The following TDP1 variants were observed in gnomAD, a reference collection of about 807,000 sequenced individuals.
TDP1 encodes the protein tyr-DNA phosphodiesterase 1.
In TDP1, 64 loss-of-function variants were observed where a neutral mutation model predicts 81.5. The ratio of observed to expected loss-of-function variants is 0.79; its 90% CI spans 0.64 to 0.97. The LOEUF (loss-of-function observed/expected upper bound fraction) is 0.97. TDP1 is among the 50% of genes least tolerant of loss of function. The pLI is 0.00. For synonymous variants in TDP1, 256 were observed against 264.3 expected, an observed-to-expected ratio of 0.97 and a Z score of 0.30; for missense variants, 723 against 743.8, an observed-to-expected ratio of 0.97 and a Z score of 0.33.
rs772567581 is a variant in TDP1, at chr14:89,975,732, T to C, written c.757-49T>C. 10 of 1,488,616 alleles carry C rather than the reference T, an allele frequency of 6.7e-6. No homozygotes were observed. In the Admixed American group the frequency reaches 1.3e-4, roughly 20 times the overall value. 92.2% of individuals were successfully genotyped at this position (1,488,616 alleles called of 1,614,324 possible). A position where few individuals can be genotyped will look rare whatever the true frequency, so the allele number is the denominator to read the frequency against. On this transcript the variant is annotated intron_variant, in intron 6 of 16. Transcript: ENST00000335725. ...TTTCTAATGTAATTTCCAGTAGATA[T>C]GGATATTAGTGAGTTGTTTTTAAAT... is the stretch of plus-strand genomic sequence containing the variant.
intron 10 of TDP1, chr14:89,986,962 A>G (rs1371766903): frequency 6.6e-6 from 1 of 152,236 alleles, no homozygotes; most frequent in East Asian, 1.9e-4. Context: ...CAGTTTCCAA[A>G]TGTTTTCTTA....
intron 8 of TDP1, among the ~76,000 whole-genome samples, chr14:89,982,055 C>G (rs1253982327): frequency 2.0e-5 from 3 of 152,126 alleles, no homozygotes; most frequent in Admixed American, 2.0e-4. Flanking sequence ...CAAATGTAAT[C>G]TCCCTCCCTT....
intron 14 of TDP1, among the ~76,000 whole-genome samples, chr14:90,010,125 C>A (rs1054564297): frequency 6.6e-6 from 1 of 152,158 alleles, no homozygotes; most frequent in Admixed American, 6.5e-5. Context: ...CATGTTTGGA[C>A]TTCAGAATAT....
chr14:90,040,098 G>A (rs1346451671), intron 16 of TDP1, among the ~76,000 whole-genome samples: 1 of 152,112 alleles, frequency 6.6e-6, no homozygotes, highest in Non-Finnish European at 1.5e-5. Flanking sequence ...AACCACATGG[G>A]CTGTCATTTT....
At chr14:89,995,409 A>G (rs919849081) in intron 14 of TDP1, among the ~76,000 whole-genome samples, 1 of 152,182 alleles carries the variant, frequency 6.6e-6, no homozygotes, top group African/African-American at 2.4e-5. Flanking sequence ...CTTAATCAAC[A>G]TAGAGTTTTA....
chr14:89,996,155 A>G (rs1195285401), intron 14 of TDP1, among the ~76,000 whole-genome samples: 2 of 152,210 alleles, frequency 1.3e-5, no homozygotes, highest in South Asian at 2.1e-4. Context: ...GATGTTCTTC[A>G]TAAGCCACTC....
rs1282114931 is a variant in TDP1 at position 89,956,762 on chromosome 14, T to G, written c.-46T>G. On this transcript the variant is annotated 5_prime_UTR_variant, in exon 2 of 17. It removes an upstream start codon present in the reference 5' UTR. Coordinates refer to ENST00000335725, the MANE Select transcript of TDP1 (RefSeq NM_018319.4). ...AAATAGAAAAATTAGCCGAGCGTGA[T>G]GGTGGATGCCTGTAATCCTAGCTCC... 1 of 152,238 alleles carries G rather than the reference T, an allele frequency of 6.6e-6. No individual in the cohort carries two copies. Among genetic ancestry groups the G allele is most frequent in the Admixed American group, 6.5e-5 (1 of 15,276 alleles). The allele number at this position is 152,238 out of a possible 1,614,324, so 9.4% of individuals were successfully genotyped here. A position where few individuals can be genotyped will look rare whatever the true frequency, so the allele number is the denominator to read the frequency against.
intron 14 of TDP1, among the ~76,000 whole-genome samples, chr14:90,003,128 A>G (rs142592708): frequency 0.045 from 6,812 of 151,926 alleles, 502 homozygotes; most frequent in African/African-American, 0.15. Flanking sequence ...AGTAGAGATG[A>G]GGTTTCACGG....
In TDP1 at chr14:89,963,457, G is replaced by T; in HGVS notation, c.343G>T (p.Asp115Tyr). The change falls in exon 3 of 17, where the codon GAC (aspartate) becomes TAC (tyrosine). Residue 115 changes from aspartate (D) to tyrosine (Y), a missense_variant. Physicochemically the swap from Asp to Tyr is radical, Grantham distance 160. Transcript: ENST00000335725. ...GAAAGTGGTGATCAAAAAGGAGAAAGACATCTCTGCTCCCAATGACGGCAC... is the reference window on the plus strand; with the variant it reads ...GAAAGTGGTGATCAAAAAGGAGAAATACATCTCTGCTCCCAATGACGGCAC... ...AEKVVIKKEKDISAPNDGTAQ... is the reference protein window; with the variant it reads ...AEKVVIKKEKYISAPNDGTAQ... 3 of 1,612,974 alleles carry T rather than the reference G, an allele frequency of 1.9e-6. No individual in the cohort carries two copies. In the South Asian group the frequency reaches 3.3e-5, roughly 18 times the overall value.
chr14:90,042,918 TGTC>T lies in TDP1; in HGVS notation c.1754-151_1754-149del, dbSNP rs1241596236. 11 of 1,531,518 alleles carry T rather than the reference TGTC, an allele frequency of 7.2e-6. No homozygotes were observed. The East Asian group carries it at 2.2e-4, about 30-fold the overall frequency. 94.9% of individuals were successfully genotyped at this position (1,531,518 alleles called of 1,614,324 possible). ...AATAGGAGCCTTCGCTAAAAGCTGT[TGTC>T]TGAAGGGGGAGAATCTTCTGGGCTT... On this transcript the variant is annotated intron_variant, in intron 16 of 16. Coordinates refer to ENST00000335725, the MANE Select transcript of TDP1 (RefSeq NM_018319.4).
In TDP1 at chr14:89,993,446, C is replaced by A; in HGVS notation, c.1504C>A (p.Pro502Thr). 1 of 1,613,836 alleles carries A rather than the reference C, an allele frequency of 6.2e-7. No individual in the cohort carries two copies. Among genetic ancestry groups the A allele is most frequent in the Non-Finnish European group, 8.5e-7 (1 of 1,179,842 alleles). ...PHIKTYMRPS[P>T]DFSKIAWFLV... ...TATTAAGACATATATGAGGCCTTCT[C>A]CAGACTTCAGTAAAATTGCTTGGTT... Residue 502 changes from proline to threonine, a missense_variant, in exon 14 of 17, where the codon CCA (proline) becomes ACA (threonine). Pro to Thr is a conservative substitution (Grantham distance 38, BLOSUM62 -1). Coordinates refer to ENST00000335725, the MANE Select transcript of TDP1 (RefSeq NM_018319.4).
intron 14 of TDP1, among the ~76,000 whole-genome samples, chr14:90,015,037 A>C (rs958685976): frequency 6.6e-6 from 1 of 152,122 alleles, no homozygotes; most frequent in African/African-American, 2.4e-5. Context: ...GGAGGGGAAC[A>C]CTCTAGTTCA....
chr14:90,019,987 T>C (rs1885779603), intron 15 of TDP1, among the ~76,000 whole-genome samples: 1 of 152,158 alleles, frequency 6.6e-6, no homozygotes. Context: ...ACAAAGGACA[T>C]GTGCTTCTGG....
At chr14:89,986,350 G>A (rs1317121937) in intron 10 of TDP1, among the ~76,000 whole-genome samples, 1 of 152,168 alleles carries the variant, frequency 6.6e-6, no homozygotes, top group African/African-American at 2.4e-5. Flanking sequence ...TCTATAAAGT[G>A]GACATAATAA....
chr14:89,970,635 G>A (rs1893514220), intron 5 of TDP1: 1 of 171,406 alleles, frequency 5.8e-6, no homozygotes, highest in Admixed American at 6.5e-5. Flanking sequence ...TTACCCCTCT[G>A]TATTACAACA....
chr14:90,043,914 AC>A lies in TDP1; in HGVS notation c.*773del, dbSNP rs1888591666. 1 of 151,860 alleles carries A rather than the reference AC, an allele frequency of 6.6e-6. No homozygotes were observed. Among genetic ancestry groups the A allele is most frequent in the Non-Finnish European group, 1.5e-5 (1 of 67,980 alleles). The allele number at this position is 151,860 out of a possible 1,614,324, so 9.4% of individuals were successfully genotyped here. On this transcript the variant is annotated 3_prime_UTR_variant, in exon 17 of 17. Coordinates refer to ENST00000335725, the MANE Select transcript of TDP1 (RefSeq NM_018319.4). ...GAAGAACACGATCATTTCCTTTTTC[AC>A]CGATGCCCTCTCTCAGCTTTCTGAG...
intron 14 of TDP1, among the ~76,000 whole-genome samples, chr14:89,998,448 A>G (rs1408786288): frequency 7.4e-6 from 1 of 134,254 alleles, no homozygotes; most frequent in Non-Finnish European, 1.5e-5. Context: ...ATGTATATGT[A>G]TATGTATATA....
In TDP1 at chr14:89,963,450, G is replaced by C. The variant is rs1892571121; in HGVS notation, c.336G>C (p.Lys112Asn). The C allele has an allele frequency of 1.9e-6, 3 of 1,613,148 alleles. No homozygotes were observed. In the African/African-American group the frequency reaches 4.0e-5, roughly 22 times the overall value. ...QKQAEKVVIK[K>N]EKDISAPNDG... ...AGGCTGAGAAAGTGGTGATCAAAAAGGAGAAAGACATCTCTGCTCCCAATG... is the reference window on the plus strand; with the variant it reads ...AGGCTGAGAAAGTGGTGATCAAAAACGAGAAAGACATCTCTGCTCCCAATG... Residue 112 changes from lysine (K) to asparagine (N), a missense_variant, in exon 3 of 17, where the codon AAG becomes AAC. Lys to Asn is a moderately conservative substitution (Grantham distance 94). Coordinates refer to ENST00000335725, the MANE Select transcript of TDP1 (RefSeq NM_018319.4).
chr14:90,022,235 G>A (rs1427833076), intron 15 of TDP1, among the ~76,000 whole-genome samples: 3 of 152,212 alleles, frequency 2.0e-5, no homozygotes, highest in African/African-American at 7.2e-5. Flanking sequence ...CAGAGCCAGA[G>A]GACTTTGTTG....
Sources: allele counts gnomAD v4.1 joint callset (sites outside exome capture counted in the v4.1 genomes callset), GRCh38; gene constraint gnomAD v4.1.1; transcripts MANE v1.5; gene names NCBI Gene and HGNC (gene_info 2026-07-23, HGNC 2026-07-21).